Variants in PRKG1 observed in about 807,000 individuals in gnomAD.
PRKG1 encodes the protein protein kinase cGMP-dependent 1.
A neutral mutation model predicts 88.1 loss-of-function variants in PRKG1; 35 were observed. The observed-to-expected ratio is 0.40, with a 90% CI of 0.30 to 0.53. The LOEUF is 0.53. Ranked by LOEUF, PRKG1 falls within the 20% of genes least tolerant of loss-of-function variation. The pLI is 0.59. For synonymous variants in PRKG1, 303 were observed against 292.5 expected (o/e 1.04, Z -0.37); for missense variants, 540 against 839.8 (o/e 0.64, Z 4.41).
At chr10:51,613,360 G>C (rs191821129) in intron 3 of PRKG1, among the ~76,000 whole-genome samples, 3 of 151,860 alleles carry the variant, frequency 2.0e-5, no homozygotes, top group East Asian at 1.9e-4. Context: ...GGTACCAGTT[G>C]CAATGTCTGC....
intron 2 of PRKG1, among the ~76,000 whole-genome samples, chr10:51,290,400 G>T (rs7069629): frequency 2.0e-5 from 3 of 151,708 alleles, no homozygotes; most frequent in Admixed American, 6.6e-5. Context: ...GAGGCAGGAG[G>T]ATTACTTGAG....
At chr10:51,370,137 C>G (rs1489219727) in intron 2 of PRKG1, among the ~76,000 whole-genome samples, 2 of 152,044 alleles carry the variant, frequency 1.3e-5, no homozygotes, top group East Asian at 3.9e-4. Context: ...CACTGGGTGA[C>G]TGCTATGAGG....
At chr10:52,203,240 T>C (rs1328964695) in intron 9 of PRKG1, among the ~76,000 whole-genome samples, 1 of 152,176 alleles carries the variant, frequency 6.6e-6, no homozygotes. Flanking sequence ...TTTCAAATAA[T>C]TCCTTGATTT....
chr10:51,251,024 A>T (rs1839414261), intron 2 of PRKG1, among the ~76,000 whole-genome samples: 1 of 151,652 alleles, frequency 6.6e-6, no homozygotes, highest in Admixed American at 6.6e-5. Flanking sequence ...GACAGATTTT[A>T]CTTCCTGAAT....
intron 3 of PRKG1, among the ~76,000 whole-genome samples, chr10:51,492,486 G>A (rs1175604590): frequency 6.6e-6 from 1 of 152,082 alleles, no homozygotes; most frequent in Non-Finnish European, 1.5e-5. Flanking sequence ...GTCCAAATTA[G>A]CTGATGTAAT....
chr10:52,025,523 C>G (rs1845312598), intron 5 of PRKG1, among the ~76,000 whole-genome samples: 1 of 152,060 alleles, frequency 6.6e-6, no homozygotes, highest in Non-Finnish European at 1.5e-5. Context: ...AGGAAGGGAT[C>G]CAGTTTCAGC....
intron 3 of PRKG1, among the ~76,000 whole-genome samples, chr10:51,469,386 A>G (rs1392796302): frequency 6.6e-6 from 1 of 151,902 alleles, no homozygotes; most frequent in African/African-American, 2.4e-5. Flanking sequence ...CAAAATTTCC[A>G]AAAGCCAACA....
intron 3 of PRKG1, among the ~76,000 whole-genome samples, chr10:51,527,512 G>T (rs2132087022): frequency 6.6e-6 from 1 of 152,170 alleles, no homozygotes; most frequent in East Asian, 1.9e-4. Flanking sequence ...AAGGATAAAA[G>T]TCTATTTCAA....
intron 3 of PRKG1, among the ~76,000 whole-genome samples, chr10:51,583,858 A>T (rs1488074354): frequency 6.6e-6 from 1 of 152,058 alleles, no homozygotes; most frequent in African/African-American, 2.4e-5. Flanking sequence ...ACAATATTTA[A>T]TGGTATGGCA....
intron 5 of PRKG1, among the ~76,000 whole-genome samples, chr10:52,048,972 C>T (rs1239752731): frequency 6.6e-6 from 1 of 152,002 alleles, no homozygotes; most frequent in African/African-American, 2.4e-5. Flanking sequence ...CATAAGACCT[C>T]CAGGTAACGG....
chr10:51,213,490 T>C (rs1440478488), intron 2 of PRKG1, among the ~76,000 whole-genome samples: 1 of 152,138 alleles, frequency 6.6e-6, no homozygotes, highest in African/African-American at 2.4e-5. Flanking sequence ...AGTAGTTATA[T>C]ATGTCTTTCT....
intron 1 of PRKG1, among the ~76,000 whole-genome samples, chr10:51,112,927 C>T (rs1845012643): frequency 6.6e-6 from 1 of 152,040 alleles, no homozygotes; most frequent in Non-Finnish European, 1.5e-5. Context: ...ATTCAATATA[C>T]CAGGTTGTAT....
At chr10:51,601,721 A>ATTTTTTTTTTTTTTTTTT (rs749205610) in intron 3 of PRKG1, among the ~76,000 whole-genome samples, 8 of 43,574 alleles carry the variant, frequency 1.8e-4, no homozygotes, top group African/African-American at 2.2e-4. Flanking sequence ...GGCAGATTGA[A>ATTTTTTTTTTTTTTTTTT]TTTTTTTTTT....
intron 9 of PRKG1, among the ~76,000 whole-genome samples, chr10:52,225,096 C>T (rs1193017295): frequency 6.6e-6 from 1 of 152,004 alleles, no homozygotes; most frequent in Admixed American, 6.6e-5. Context: ...TCTACATTCC[C>T]ACCAACAGTG....
chr10:51,852,653 T>C (rs1328949853), intron 4 of PRKG1, among the ~76,000 whole-genome samples: 1 of 152,116 alleles, frequency 6.6e-6, no homozygotes, highest in Non-Finnish European at 1.5e-5. Flanking sequence ...TGAGCATATA[T>C]AAGAATACTG....
intron 2 of PRKG1, among the ~76,000 whole-genome samples, chr10:51,392,238 G>C (rs1325739405): frequency 2.0e-5 from 3 of 151,846 alleles, no homozygotes; most frequent in Non-Finnish European, 4.4e-5. Flanking sequence ...ATAAACAAGT[G>C]AACAAAGGTC....
At chr10:51,822,475 A>C (rs1839774852) in intron 4 of PRKG1, among the ~76,000 whole-genome samples, 1 of 152,158 alleles carries the variant, frequency 6.6e-6, no homozygotes, top group African/African-American at 2.4e-5. Context: ...AAAAAAGGTA[A>C]GAGAAACGTA....
intron 10 of PRKG1, among the ~76,000 whole-genome samples, chr10:52,266,121 AT>A (rs1841563271): frequency 6.6e-6 from 1 of 151,910 alleles, no homozygotes; most frequent in Non-Finnish European, 1.5e-5. Context: ...GCTGAACCCA[AT>A]TACCCCTATT....
chr10:52,192,957 G>A (rs900041559), intron 9 of PRKG1, among the ~76,000 whole-genome samples: 7 of 151,720 alleles, frequency 4.6e-5, no homozygotes, highest in African/African-American at 7.3e-5. Flanking sequence ...ATTAATTTTC[G>A]TCTTTGTTAA....
Sources: gnomAD v4.1 joint callset for allele counts (sites outside exome capture counted in the v4.1 genomes callset) on GRCh38, gnomAD v4.1.1 for gene constraint, MANE v1.5 for transcripts, NCBI Gene and HGNC (gene_info 2026-07-23, HGNC 2026-07-21) for gene names.